RHBDD3: variants seen among roughly 807,000 people sequenced by gnomAD.
The protein encoded by RHBDD3 is rhomboid domain containing 3, also known as rhomboid domain-containing protein 3.
RHBDD3 carries 34 observed loss-of-function variants against 32.3 expected under a neutral mutation model. The ratio of observed to expected loss-of-function variants is 1.05; its 90% CI spans 0.80 to 1.40. The LOEUF (loss-of-function observed/expected upper bound fraction) is 1.40. Ranked by LOEUF, RHBDD3 falls within the 40% of genes most tolerant of loss-of-function variation. The probability of loss-of-function intolerance (pLI) is 0.00; values close to 1 mark genes in which losing one functional copy is unlikely to be tolerated. For missense variants in RHBDD3, 482 were observed against 492.6 expected, an observed-to-expected ratio of 0.98 and a Z score of 0.20; for synonymous variants, 249 against 239.1, an observed-to-expected ratio of 1.04 and a Z score of -0.38.
At chr22:29,260,654 T>A in intron 5 of RHBDD3, 41 bp from the exon 6 acceptor site, 1 of 1,555,018 alleles carries the variant, frequency 6.4e-7, no homozygotes, top group Non-Finnish European at 8.7e-7. Context: ...CTGGCAGCCC[T>A]GCCACAGTGC....
At position 29,260,724 on chromosome 22, in the gene RHBDD3, C is replaced by A; in HGVS notation, c.673G>T (p.Val225Phe). 6.3e-7 allele frequency: 1 copy of A among 1,589,720 alleles called. No individual in the cohort carries two copies. Among genetic ancestry groups the A allele is most frequent in the Non-Finnish European group, 8.6e-7 (1 of 1,168,766 alleles). The change falls in exon 5 of 7, where the codon GTC (valine) becomes TTC (phenylalanine). Residue 225 changes from valine to phenylalanine, a missense_variant. Transcript: ENST00000216085. Reference protein sequence around the residue: ...ATPGSLAELPVTHPAGVRPPI... With the variant: ...ATPGSLAELPFTHPAGVRPPI... ...CACCTCACTCCGGCAGGATGGGTGACAGGCAGCTCCGCCAGGCTACCCGGG... is the reference window on the plus strand; with the variant it reads ...CACCTCACTCCGGCAGGATGGGTGAAAGGCAGCTCCGCCAGGCTACCCGGG...
chr22:29,260,759 A>G lies in RHBDD3; in HGVS notation c.638T>C (p.Leu213Pro), dbSNP rs2058105758. The change falls in exon 5 of 7, where the codon CTC becomes CCC. Residue 213 changes from leucine (L) to proline (P), a missense_variant. Transcript: ENST00000216085. Reference protein sequence around the residue: ...RTLAGCWPLRLLATPGSLAEL... With the variant: ...RTLAGCWPLRPLATPGSLAEL... The stretch of plus-strand genomic sequence containing the variant: ...CGCCAGGCTACCCGGGGTGGCAAGG[A>G]GCCTCAGGGGCCAGCACCCCGCCAA... 1.9e-6 allele frequency: 3 copies of G among 1,600,656 alleles called. No individual in the cohort carries two copies. The highest frequency in any genetic ancestry group is 2.7e-5 in the African/African-American group (2 of 74,506).
Position 29,260,803 on chromosome 22 carries a change from C to G in RHBDD3, c.594G>C (p.Glu198Asp). 1.2e-6 allele frequency: 2 copies of G among 1,607,858 alleles called. No individual in the cohort carries two copies. Among genetic ancestry groups the G allele is most frequent in the Non-Finnish European group, 1.7e-6 (2 of 1,178,104 alleles). ...PSERRLQVLQ[E>D]GVLCRTLAGC... is the part of the protein sequence containing the mutation. Reference sequence around the variant, plus strand: ...CCGCCAAGGTCCTGCACAAGACGCCCTCCTGCAGCACCTGCAGCCGTCGCT... The same window carrying G: ...CCGCCAAGGTCCTGCACAAGACGCCGTCCTGCAGCACCTGCAGCCGTCGCT... The change falls in exon 5 of 7, where the codon GAG becomes GAC. Residue 198 changes from glutamate to aspartate, a missense_variant. Glu to Asp is a conservative substitution (Grantham distance 45). Coordinates refer to ENST00000216085, the MANE Select transcript of RHBDD3 (RefSeq NM_012265.3).
At chr22:29,261,513 G>C (rs1160373196) in intron 4 of RHBDD3, 6 of 360,392 alleles carry the variant, frequency 1.7e-5, no homozygotes, top group East Asian at 7.7e-5. Context: ...AGGATCGCTT[G>C]AGCCCAGGAG....
Position 29,264,151 on chromosome 22 carries a change from G to T in RHBDD3, c.216C>A (p.Leu72=). The change falls in exon 4 of 7, where the codon CTC becomes CTA. Residue 72 remains leucine, a synonymous_variant. Transcript: ENST00000216085. ...CCTGCTGCCAGCCCACAGTGGGCAG[G>T]AGCAGCAGGCTCAGGAGCAGGCCTG... ...ALPGLLLSLL[L]LPTVGWQQEC... 1 of 1,586,752 alleles carries T rather than the reference G, an allele frequency of 6.3e-7. No homozygotes were observed. The highest frequency in any genetic ancestry group is 1.2e-5 in the South Asian group (1 of 86,744).
Position 29,260,848 on chromosome 22 carries a change from G to T in RHBDD3, c.549C>A (p.Phe183Leu), listed in dbSNP as rs142462633. 812 of 1,593,144 alleles carry T rather than the reference G, an allele frequency of 5.1e-4. 4 individuals carry two copies. The highest frequency in any genetic ancestry group is 3.7e-3 in the Middle Eastern group (19 of 5,204). Residue 183 changes from phenylalanine (F) to leucine (L), a missense_variant, in exon 5 of 7, where the codon TTC becomes TTA. Coordinates refer to ENST00000216085, the MANE Select transcript of RHBDD3 (RefSeq NM_012265.3). ...GTCGCTCTGAGGGTTCCAGCCACCG[G>T]AAGGCCCCAGCTGCATCTGTCTGCC... ...LAGLAYAAGA[F>L]RWLEPSERRL...
At position 29,260,552 on chromosome 22, in the gene RHBDD3, A is replaced by G. The variant is rs779879005; in HGVS notation, c.757T>C (p.Ser253Pro). ...CTCAGGCTTGGTGGGGGCAGGGCTGAGTCTTCCCAGTGGGACCAGAGGTCA... is the reference window on the plus strand; with the variant it reads ...CTCAGGCTTGGTGGGGGCAGGGCTGGGTCTTCCCAGTGGGACCAGAGGTCA... ...SPDLWSHWED[S>P]ALPPPSLRPV... Residue 253 changes from serine to proline, a missense_variant, in exon 6 of 7, where the codon TCA becomes CCA. By Grantham distance (74) the Ser-to-Pro change is moderately conservative. Transcript: ENST00000216085. The G allele has an allele frequency of 2.8e-5, 45 of 1,598,836 alleles. No individual in the cohort carries two copies. The highest frequency in any genetic ancestry group is 3.5e-5 in the Non-Finnish European group (41 of 1,175,628).
chr22:29,263,978 G>A lies in RHBDD3; in HGVS notation c.389C>T (p.Ala130Val), dbSNP rs747694664. Residue 130 changes from alanine to valine, a missense_variant, in exon 4 of 7, where the codon GCT becomes GTT. Coordinates refer to ENST00000216085, the MANE Select transcript of RHBDD3 (RefSeq NM_012265.3). ...CCGTCTAGGGCGGTGTCCCTCCCCAGCCAGCATGGCCAGGTGGACAGGCAT... is the reference window on the plus strand; with the variant it reads ...CCGTCTAGGGCGGTGTCCCTCCCCAACCAGCATGGCCAGGTGGACAGGCAT... ...GYMPVHLAML[A>V]GEGHRPRRPR... The A allele has an allele frequency of 8.9e-5, 138 of 1,551,302 alleles. No individual in the cohort carries two copies. Among genetic ancestry groups the A allele is most frequent in the Admixed American group, 2.0e-5 (1 of 51,052 alleles).
intron 4 of RHBDD3, among the ~76,000 whole-genome samples, chr22:29,262,620 C>A (rs2058132627): frequency 1.3e-5 from 2 of 152,212 alleles, no homozygotes. Context: ...TGTGTGGGAT[C>A]TATAAATCAA....
At chr22:29,261,424 C>G (rs1455015462) in intron 4 of RHBDD3, 4 of 441,546 alleles carry the variant, frequency 9.1e-6, no homozygotes, top group Non-Finnish European at 1.8e-5. Context: ...TAGACCCCGT[C>G]TCTACAAAAA....
In RHBDD3 at chr22:29,263,918, C is replaced by A. The variant is rs1354342844; in HGVS notation, c.449G>T (p.Trp150Leu). The A allele has an allele frequency of 6.5e-7, 1 of 1,549,740 alleles. No individual in the cohort carries two copies. Among genetic ancestry groups the A allele is most frequent in the South Asian group, 1.2e-5 (1 of 84,028 alleles). Residue 150 changes from tryptophan to leucine, a missense_variant, in exon 4 of 7, where the codon TGG (tryptophan) becomes TTG (leucine). Physicochemically the swap from Trp to Leu is moderately conservative, Grantham distance 61. Transcript: ENST00000216085. The stretch of plus-strand genomic sequence containing the variant: ...CAGTGGGGTCAGGGCAAGCAGCAGC[C>A]ACGGCGACAGCCACGGTGGCAGTGC... Reference protein sequence around the residue: ...RGALPPWLSPWLLLALTPLLS... With the variant: ...RGALPPWLSPLLLLALTPLLS...
rs1008273583 is a variant in RHBDD3 at position 29,265,674 on chromosome 22, G to A, written c.-42-6C>T. 2 of 1,532,832 alleles carry A rather than the reference G, an allele frequency of 1.3e-6. No individual in the cohort carries two copies. Among genetic ancestry groups the A allele is most frequent in the African/African-American group, 2.9e-5 (2 of 69,580 alleles). The allele number at this position is 1,532,832 out of a possible 1,614,324, so 95.0% of individuals were successfully genotyped here. On this transcript the variant is annotated splice_polypyrimidine_tract_variant and splice_region_variant and intron_variant, in intron 2 of 6. Coordinates refer to ENST00000216085, the MANE Select transcript of RHBDD3 (RefSeq NM_012265.3). ...GGTGGTCCTGGGGCTGTGTGCTGGGGATAAAAGAAAACAATAACAAGTTAT... is the reference window on the plus strand; with the variant it reads ...GGTGGTCCTGGGGCTGTGTGCTGGGAATAAAAGAAAACAATAACAAGTTAT...
Position 29,260,530 on chromosome 22 carries a change from A to G in RHBDD3, c.779T>C (p.Leu260Pro), listed in dbSNP as rs765663204. The change falls in exon 6 of 7, where the codon CTG becomes CCG. Residue 260 changes from leucine to proline, a missense_variant. Transcript: ENST00000216085. ...WEDSALPPPS[L>P]RPVQPTWEGS... is the part of the protein sequence containing the mutation. ...CTCCCAGGTGGGCTGCACAGGCCTCAGGCTTGGTGGGGGCAGGGCTGAGTC... is the reference window on the plus strand; with the variant it reads ...CTCCCAGGTGGGCTGCACAGGCCTCGGGCTTGGTGGGGGCAGGGCTGAGTC... 7 of 1,598,022 alleles carry G rather than the reference A, an allele frequency of 4.4e-6. No individual in the cohort carries two copies. Among genetic ancestry groups the G allele is most frequent in the South Asian group, 1.1e-5 (1 of 88,678 alleles).
rs549947907 is a variant in RHBDD3 at position 29,265,654 on chromosome 22, T to C, written c.-28A>G. On this transcript the variant is annotated 5_prime_UTR_variant, in exon 3 of 7. Coordinates refer to ENST00000216085, the MANE Select transcript of RHBDD3 (RefSeq NM_012265.3). Reference sequence around the variant, plus strand: ...CTTGGTTGAGGACGGTCAAGGGTGGTCCTGGGGCTGTGTGCTGGGGATAAA... The same window carrying C: ...CTTGGTTGAGGACGGTCAAGGGTGGCCCTGGGGCTGTGTGCTGGGGATAAA... The C allele has an allele frequency of 2.6e-6, 4 of 1,559,522 alleles. No individual in the cohort carries two copies. In the African/African-American group the frequency reaches 4.2e-5, roughly 16 times the overall value.
At chr22:29,268,126 TG>T (rs2058274101), upstream of RHBDD3, 54 of 631,618 alleles carry the variant, frequency 8.5e-5, no homozygotes, top group East Asian at 1.3e-3. Context: ...TTGGCCCGAG[TG>T]TCACGTCGGG....
At chr22:29,264,593 CCCT>C in intron 3 of RHBDD3, 2 of 884,316 alleles carry the variant, frequency 2.3e-6, no homozygotes, top group Non-Finnish European at 2.7e-6. Flanking sequence ...CTACCCCATT[CCCT>C]CAAGCTGTGT....
At chr22:29,261,601 TAAAA>T (rs556500554) in intron 4 of RHBDD3, among the ~76,000 whole-genome samples, 1 of 150,156 alleles carries the variant, frequency 6.7e-6, no homozygotes, top group Admixed American at 6.6e-5. Context: ...CTCTAAAAAT[TAAAA>T]AAAAAATCTC....
At chr22:29,261,242 A>C in intron 4 of RHBDD3, 1 of 499,302 alleles carries the variant, frequency 2.0e-6, no homozygotes. Flanking sequence ...CCTGTCACCA[A>C]TCCAGAGTGC....
chr22:29,261,291 C>G (rs1157217604), intron 4 of RHBDD3: 1 of 478,626 alleles, frequency 2.1e-6, no homozygotes, highest in South Asian at 1.5e-5. Flanking sequence ...CTGTTTTCCC[C>G]GATAGGTATG....
Sources: allele counts gnomAD v4.1 joint callset (sites outside exome capture counted in the v4.1 genomes callset), GRCh38; gene constraint gnomAD v4.1.1; transcripts MANE v1.5; gene names NCBI Gene and HGNC (gene_info 2026-07-23, HGNC 2026-07-21).